The following DDX60L variants were observed in gnomAD, a reference collection of about 807,000 sequenced individuals.
DDX60L encodes DExD/H-box 60 like.
In DDX60L, 191 loss-of-function variants were observed where a neutral mutation model predicts 211.6. The ratio of observed to expected loss-of-function variants is 0.90; its 90% CI spans 0.80 to 1.02. The LOEUF (loss-of-function observed/expected upper bound fraction) is 1.02, where lower values mean the gene tolerates loss of function less well. Ranked by LOEUF, DDX60L falls within the 50% of genes least tolerant of loss-of-function variation. The pLI, the probability that DDX60L is intolerant of heterozygous loss-of-function variation, is 0.00. For missense variants in DDX60L, 2,007 were observed against 1,984.1 expected, an observed-to-expected ratio of 1.01 and a Z score of -0.22; for synonymous variants, 706 against 694.1, an observed-to-expected ratio of 1.02 and a Z score of -0.27.
At chr4:168,413,833 C>A (rs1474680007) in intron 22 of DDX60L, among the ~76,000 whole-genome samples, 1 of 151,974 alleles carries the variant, frequency 6.6e-6, no homozygotes, top group East Asian at 1.9e-4. Context: ...GGGATAATAA[C>A]AGAAAACTTC....
intron 37 of DDX60L, among the ~76,000 whole-genome samples, chr4:168,359,815 C>T (rs1231927437): frequency 6.6e-6 from 1 of 152,234 alleles, no homozygotes; most frequent in African/African-American, 2.4e-5. Context: ...CAGCATTTTC[C>T]CCAGTCCCTG....
At chr4:168,383,702 T>C (rs1243807435) in intron 30 of DDX60L, among the ~76,000 whole-genome samples, 1 of 152,166 alleles carries the variant, frequency 6.6e-6, no homozygotes, top group African/African-American at 2.4e-5. Flanking sequence ...CTCCAATGCC[T>C]CTCTGGGCCT....
intron 12 of DDX60L, among the ~76,000 whole-genome samples, chr4:168,431,518 C>G (rs925261441): frequency 3.7e-5 from 5 of 134,278 alleles, no homozygotes; most frequent in Non-Finnish European, 6.1e-5. Flanking sequence ...CACATGGACA[C>G]AGGAAGGGGA....
chr4:168,453,554 G>A (rs1348723989), intron 7 of DDX60L, among the ~76,000 whole-genome samples: 1 of 152,202 alleles, frequency 6.6e-6, no homozygotes, highest in African/African-American at 2.4e-5. Flanking sequence ...CCCTGACCCA[G>A]AGGTCTGAGG....
chr4:168,366,030 A>G (rs1054352993), intron 36 of DDX60L, among the ~76,000 whole-genome samples: 2 of 152,154 alleles, frequency 1.3e-5, no homozygotes, highest in African/African-American at 4.8e-5. Context: ...CGTCAACACA[A>G]TAAAAGCCAT....
In DDX60L at chr4:168,446,375, C is replaced by A. The variant is rs368011508; in HGVS notation, c.1138+2263G>T. Reference sequence around the variant, plus strand: ...ACTACAAACCACTGCTCAAGGAAATCAAAGAGGATACAAACAAATGGAAGA... The same window carrying A: ...ACTACAAACCACTGCTCAAGGAAATAAAAGAGGATACAAACAAATGGAAGA... On this transcript the variant is annotated intron_variant, in intron 9 of 37. Transcript: ENST00000682922. Among the ~76,000 whole-genome samples the A allele has an allele frequency of 6.6e-3, 1,008 of 151,978 alleles. 12 individuals are homozygous for A. The highest frequency in any genetic ancestry group is 0.02 in the African/African-American group (821 of 41,362).
Position 168,432,451 on chromosome 4 carries a change from T to C in DDX60L, c.1516+4A>G. 1 of 1,541,844 alleles carries C rather than the reference T, an allele frequency of 6.5e-7. No individual in the cohort carries two copies. Among genetic ancestry groups the C allele is most frequent in the African/African-American group, 1.4e-5 (1 of 72,764 alleles). ...CTCTATTTTATCGTGGTTACAGAGCTCACCATCAACATGACATTTGATCCT... is the reference window on the plus strand; with the variant it reads ...CTCTATTTTATCGTGGTTACAGAGCCCACCATCAACATGACATTTGATCCT... On this transcript the variant is annotated splice_donor_region_variant and intron_variant, in intron 12 of 37. Coordinates refer to ENST00000682922, the MANE Select transcript of DDX60L (RefSeq NM_001012967.3).
At chr4:168,423,870 G>T in intron 14 of DDX60L, 96 bp from the exon 15 acceptor site, 1 of 718,968 alleles carries the variant, frequency 1.4e-6, no homozygotes, top group Non-Finnish European at 2.1e-6. Context: ...AACCTCATGT[G>T]ATTAAACCTC....
chr4:168,407,068 A>G (rs145512744), intron 22 of DDX60L, among the ~76,000 whole-genome samples: 1 of 152,320 alleles, frequency 6.6e-6, no homozygotes, highest in East Asian at 1.9e-4. Flanking sequence ...CTCAGTTTAG[A>G]CAAAAAATAT....
At position 168,448,730 on chromosome 4, in the gene DDX60L, C is replaced by T. The variant is rs1755205184; in HGVS notation, c.1046G>A (p.Cys349Tyr). Residue 349 changes from cysteine (C) to tyrosine (Y), a missense_variant, in exon 9 of 38, where the codon TGC (cysteine) becomes TAC (tyrosine). Physicochemically the swap from Cys to Tyr is radical, Grantham distance 194. Transcript: ENST00000682922. ...FILSNLNVFG[C>Y]WNLNLNHVSD... ...AACATGATTTAAATTCAGATTCCAG[C>T]ATCCAAAAACGTTTAAGTTGCTTAA... is the stretch of plus-strand genomic sequence containing the variant. 6.2e-7 allele frequency: 1 copy of T among 1,607,044 alleles called. No homozygotes were observed. The highest frequency in any genetic ancestry group is 8.5e-7 in the Non-Finnish European group (1 of 1,174,894).
At chr4:168,410,022 T>C (rs1246664713) in intron 22 of DDX60L, among the ~76,000 whole-genome samples, 1 of 152,166 alleles carries the variant, frequency 6.6e-6, no homozygotes, top group Non-Finnish European at 1.5e-5. Context: ...ATTCCACAAA[T>C]ATTTACTGAG....
At chr4:168,456,887 T>C (rs1399780965) in intron 6 of DDX60L, among the ~76,000 whole-genome samples, 1 of 152,026 alleles carries the variant, frequency 6.6e-6, no homozygotes, top group Non-Finnish European at 1.5e-5. Flanking sequence ...CAAGAAAATA[T>C]GCAATAATCT....
Position 168,363,104 on chromosome 4 carries a change from A to G in DDX60L, c.4929-1893T>C, listed in dbSNP as rs149507300. Among the ~76,000 whole-genome samples the G allele has an allele frequency of 4.6e-4, 70 of 152,324 alleles. 1 individual carries two copies. In the East Asian group the frequency reaches 0.011, roughly 24 times the overall value. On this transcript the variant is annotated intron_variant, in intron 36 of 37. Coordinates refer to ENST00000682922, the MANE Select transcript of DDX60L (RefSeq NM_001012967.3). ...ATAACGGAATCCTCATGAGACTATCAGCAGATTCCCAGCAGAAACCTCACA... is the reference window on the plus strand; with the variant it reads ...ATAACGGAATCCTCATGAGACTATCGGCAGATTCCCAGCAGAAACCTCACA...
chr4:168,399,611 T>C (rs1746439502), intron 26 of DDX60L, among the ~76,000 whole-genome samples: 1 of 152,096 alleles, frequency 6.6e-6, no homozygotes, highest in Non-Finnish European at 1.5e-5. Flanking sequence ...CAGGTGAACC[T>C]GGAACAAGAA....
rs3828493 is a variant in DDX60L at position 168,394,382 on chromosome 4, T to C, written c.3810+83A>G. 129,541 of 1,101,398 alleles carry C rather than the reference T, an allele frequency of 0.12. 8,846 individuals are homozygous for C. Among genetic ancestry groups the C allele is most frequent in the East Asian group, 0.16 (6,322 of 38,776 alleles). 68.2% of individuals were successfully genotyped at this position (1,101,398 alleles called of 1,614,324 possible). A position where few individuals can be genotyped will look rare whatever the true frequency, so the allele number is the denominator to read the frequency against. Reference sequence around the variant, plus strand: ...ACACTGGTTAGATGAGAAAACCAACTGGTATAATTTTTTACCTTTTAGTGG... The same window carrying C: ...ACACTGGTTAGATGAGAAAACCAACCGGTATAATTTTTTACCTTTTAGTGG... On this transcript the variant is annotated intron_variant, in intron 28 of 37. Transcript: ENST00000682922.
In DDX60L at chr4:168,441,034, G is replaced by T. The variant is rs570719788; in HGVS notation, c.1294+303C>A. ...TCTGTTAAAGAGATGAGAGGAGGGGGAGGATGGATTGGGAAGTGGCCCGAG... is the reference window on the plus strand; with the variant it reads ...TCTGTTAAAGAGATGAGAGGAGGGGTAGGATGGATTGGGAAGTGGCCCGAG... On this transcript the variant is annotated intron_variant, in intron 10 of 37. Coordinates refer to ENST00000682922, the MANE Select transcript of DDX60L (RefSeq NM_001012967.3). 5.9e-5 allele frequency among the ~76,000 whole-genome samples: 9 copies of T among 152,232 alleles called. No individual in the cohort carries two copies. The South Asian group carries it at 1.9e-3, about 32-fold the overall frequency.
chr4:168,385,801 CAG>C (rs1319086684), intron 29 of DDX60L, among the ~76,000 whole-genome samples: 1 of 152,102 alleles, frequency 6.6e-6, no homozygotes, highest in Non-Finnish European at 1.5e-5. Flanking sequence ...TATTCAGAGG[CAG>C]AGTCATTAAC....
chr4:168,380,546 AT>A (rs1370054517), intron 30 of DDX60L: 1 of 152,192 alleles, frequency 6.6e-6, no homozygotes, highest in East Asian at 1.9e-4. Flanking sequence ...GAAGCTACTT[AT>A]GCTTCCTGTA....
At chr4:168,393,364 T>G (rs986753642) in intron 28 of DDX60L, among the ~76,000 whole-genome samples, 1 of 151,870 alleles carries the variant, frequency 6.6e-6, no homozygotes, top group Non-Finnish European at 1.5e-5. Flanking sequence ...GGTGTGGTGG[T>G]GCATGCCTGT....
Sources: allele counts gnomAD v4.1 joint callset (sites outside exome capture counted in the v4.1 genomes callset), GRCh38; gene constraint gnomAD v4.1.1; transcripts MANE v1.5; gene names NCBI Gene and HGNC (gene_info 2026-07-23, HGNC 2026-07-21).